GRID1: variants seen among roughly 807,000 people sequenced by gnomAD.
GRID1 encodes glutamate receptor ionotropic, delta-1.
Under a neutral mutation model 98.0 loss-of-function variants are expected in GRID1, and 28 were observed. The ratio of observed to expected loss-of-function variants is 0.29; its 90% CI spans 0.21 to 0.39. GRID1 has a LOEUF of 0.39. GRID1 is among the 10% of genes least tolerant of loss of function. The pLI, the probability that GRID1 is intolerant of heterozygous loss-of-function variation, is 1.00. For missense variants in GRID1, 1,111 were observed against 1,340.5 expected, an observed-to-expected ratio of 0.83 and a Z score of 2.67; for synonymous variants, 553 against 538.5, an observed-to-expected ratio of 1.03 and a Z score of -0.37.
intron 12 of GRID1, among the ~76,000 whole-genome samples, chr10:85,702,192 T>C (rs1841459280): frequency 6.6e-6 from 1 of 151,782 alleles, no homozygotes; most frequent in Admixed American, 6.6e-5. Flanking sequence ...AACTATAAAA[T>C]GAAATCCATA....
At position 85,610,550 on chromosome 10, in the gene GRID1, A is replaced by G. The variant is rs111250692; in HGVS notation, c.2601+2857T>C. Among the ~76,000 whole-genome samples the G allele has an allele frequency of 1.6e-3, 240 of 152,326 alleles. 3 individuals are homozygous for G. Among genetic ancestry groups the G allele is most frequent in the African/African-American group, 5.5e-3 (230 of 41,576 alleles). On this transcript the variant is annotated intron_variant, in intron 15 of 15. Transcript: ENST00000327946. ...TCAGTTCTAACAGCTCTGAGCCCCA[A>G]GTAGTCTTCAATAACCAGCACCCCT... is the stretch of plus-strand genomic sequence containing the variant.
At chr10:86,169,859 G>A (rs1020025331) in intron 3 of GRID1, among the ~76,000 whole-genome samples, 3 of 152,182 alleles carry the variant, frequency 2.0e-5, no homozygotes, top group Non-Finnish European at 4.4e-5. Context: ...CAGCCCATGT[G>A]GCTCCACTGG....
At chr10:85,990,018 C>G (rs908926761) in intron 4 of GRID1, among the ~76,000 whole-genome samples, 3 of 152,302 alleles carry the variant, frequency 2.0e-5, no homozygotes, top group African/African-American at 7.2e-5. Context: ...CAAGCCCTCA[C>G]CAGATTCTGA....
At chr10:86,142,634 T>G (rs368712776) in intron 3 of GRID1, among the ~76,000 whole-genome samples, 1 of 152,252 alleles carries the variant, frequency 6.6e-6, no homozygotes, top group Non-Finnish European at 1.5e-5. Flanking sequence ...CTAAGGCCAC[T>G]GCAAGTCTTT....
At chr10:86,077,411 C>A (rs112691142) in intron 4 of GRID1, among the ~76,000 whole-genome samples, 6,552 of 152,254 alleles carry the variant, frequency 0.043, 164 homozygotes, top group Middle Eastern at 0.068. Context: ...CCTGAACACA[C>A]CCTGCAGTCT....
intron 3 of GRID1, among the ~76,000 whole-genome samples, chr10:86,157,114 C>T (rs1845256302): frequency 6.6e-6 from 1 of 152,120 alleles, no homozygotes; most frequent in African/African-American, 2.4e-5. Context: ...ATAGTGAATC[C>T]ACGAAACAGA....
chr10:86,067,439 C>T (rs1843737262), intron 4 of GRID1, among the ~76,000 whole-genome samples: 1 of 152,190 alleles, frequency 6.6e-6, no homozygotes, highest in South Asian at 2.1e-4. Context: ...TTTCACAGAC[C>T]TCACCCCAAA....
chr10:86,099,473 CG>C lies in GRID1; in HGVS notation c.726+39345del, dbSNP rs537065125. 2.8e-4 allele frequency among the ~76,000 whole-genome samples: 42 copies of C among 152,134 alleles called. No individual in the cohort carries two copies. In the East Asian group the frequency reaches 8.1e-3, roughly 29 times the overall value. Reference sequence around the variant, plus strand: ...CCTCACAGATGTGTGTACAAGGCACCGAGAAGCCACGACCCAGGCCCCTTGT... The same window carrying C: ...CCTCACAGATGTGTGTACAAGGCACCAGAAGCCACGACCCAGGCCCCTTGT... On this transcript the variant is annotated intron_variant, in intron 4 of 15. Coordinates refer to ENST00000327946, the MANE Select transcript of GRID1 (RefSeq NM_017551.3).
At position 85,741,695 on chromosome 10, in the gene GRID1, C is replaced by A. The variant is rs140500622; in HGVS notation, c.1234-12081G>T. ...TTTAAGAAAATTGCTTTATTTCATTCTTCTCAAAATTCTCAAGTGGTTTTC... is the reference window on the plus strand; with the variant it reads ...TTTAAGAAAATTGCTTTATTTCATTATTCTCAAAATTCTCAAGTGGTTTTC... On this transcript the variant is annotated intron_variant, in intron 8 of 15. Coordinates refer to ENST00000327946, the MANE Select transcript of GRID1 (RefSeq NM_017551.3). Among the ~76,000 whole-genome samples the A allele has an allele frequency of 1.9e-3, 293 of 152,154 alleles. 1 individual carries two copies. Among genetic ancestry groups the A allele is most frequent in the Non-Finnish European group, 3.0e-3 (205 of 68,012 alleles).
At chr10:86,281,424 G>A (rs981421105) in intron 2 of GRID1, among the ~76,000 whole-genome samples, 1 of 152,218 alleles carries the variant, frequency 6.6e-6, no homozygotes, top group Non-Finnish European at 1.5e-5. Context: ...TCTCACCAGA[G>A]CTGTCCTGGG....
chr10:85,723,257 C>T (rs1428638224), intron 11 of GRID1, 116 bp from the exon 12 acceptor site: 1 of 1,003,494 alleles, frequency 1.0e-6, no homozygotes, highest in Non-Finnish European at 1.4e-6. Flanking sequence ...TGGGCTGGAA[C>T]CAGGGAGGTG....
At chr10:85,889,793 C>T (rs1841168957) in intron 5 of GRID1, among the ~76,000 whole-genome samples, 1 of 152,188 alleles carries the variant, frequency 6.6e-6, no homozygotes, top group Admixed American at 6.5e-5. Flanking sequence ...TTTACATTCT[C>T]ACCAACAGTG....
At chr10:85,888,110 G>T (rs1197394605) in intron 5 of GRID1, among the ~76,000 whole-genome samples, 1 of 152,154 alleles carries the variant, frequency 6.6e-6, no homozygotes, top group East Asian at 1.9e-4. Context: ...CAACAATTCT[G>T]TTATGAAATA....
intron 4 of GRID1, among the ~76,000 whole-genome samples, chr10:86,071,904 A>T (rs1843810215): frequency 6.6e-6 from 1 of 152,176 alleles, no homozygotes. Context: ...AACCTGAGTA[A>T]ATGTTGAAGG....
At chr10:85,806,620 C>T (rs1029481876) in intron 8 of GRID1, among the ~76,000 whole-genome samples, 1 of 151,576 alleles carries the variant, frequency 6.6e-6, no homozygotes, top group African/African-American at 2.4e-5. Flanking sequence ...TAAAAAGGAA[C>T]AATTCAATAA....
At chr10:86,042,362 A>T (rs963840453) in intron 4 of GRID1, among the ~76,000 whole-genome samples, 1 of 152,184 alleles carries the variant, frequency 6.6e-6, no homozygotes, top group Non-Finnish European at 1.5e-5. Flanking sequence ...GGGAGGCTCC[A>T]TGAGAGTCAG....
chr10:85,894,787 C>T (rs1219869065), intron 5 of GRID1, among the ~76,000 whole-genome samples: 4 of 151,816 alleles, frequency 2.6e-5, no homozygotes, highest in African/African-American at 9.7e-5. Context: ...ATAGGCAGAT[C>T]ACTTGAGGTC....
chr10:85,810,919 G>C (rs1019635158), intron 8 of GRID1, among the ~76,000 whole-genome samples: 1 of 152,044 alleles, frequency 6.6e-6, no homozygotes, highest in Non-Finnish European at 1.5e-5. Context: ...CAGTCCCCAA[G>C]CCAGCTGACT....
intron 12 of GRID1, among the ~76,000 whole-genome samples, chr10:85,663,130 C>T (rs1328267560): frequency 1.3e-5 from 2 of 152,110 alleles, no homozygotes; most frequent in Non-Finnish European, 2.9e-5. Flanking sequence ...GAATGCATCC[C>T]CCCAAAGTAA....
Sources: allele counts gnomAD v4.1 joint callset (sites outside exome capture counted in the v4.1 genomes callset), GRCh38; gene constraint gnomAD v4.1.1; transcripts MANE v1.5; gene names NCBI Gene and HGNC (gene_info 2026-07-23, HGNC 2026-07-21).